ZNF774: variants seen among roughly 807,000 people sequenced by gnomAD.
ZNF774 encodes the protein zinc finger protein 774.
ZNF774 carries 14 observed loss-of-function variants against 11.1 expected under a neutral mutation model. The ratio of observed to expected loss-of-function variants is 1.26; its 90% CI spans 0.83 to 1.97. The LOEUF is 1.97. Among genes scored for constraint, ZNF774 ranks in the 30% most tolerant of loss-of-function variants. ZNF774 has a pLI of 0.00. For missense variants in ZNF774, 599 were observed against 587.0 expected (o/e 1.02, Z -0.21); for synonymous variants, 195 against 212.6 (o/e 0.92, Z 0.72).
In ZNF774 at chr15:90,360,097, A is replaced by C; in HGVS notation, c.266A>C (p.Gln89Pro). The C allele has an allele frequency of 6.2e-7, 1 of 1,614,146 alleles. No individual in the cohort carries two copies. Among genetic ancestry groups the C allele is most frequent in the South Asian group, 1.1e-5 (1 of 91,080 alleles). The change falls in exon 4 of 4, where the codon CAA becomes CCA. Residue 89 changes from glutamine (Q) to proline (P), a missense_variant. Gln to Pro is a moderately conservative substitution (Grantham distance 76, BLOSUM62 -1). Transcript: ENST00000354377. ...LNQDNSETAE[Q>P]CGTSSERTNK... ...CAGGACAATTCTGAAACAGCAGAAC[A>C]ATGTGGAACATCCTCAGAAAGGACC...
At chr15:90,352,489 A>T (rs2151679802) in intron 1 of ZNF774, 78 bp downstream of exon 1, 1 of 152,564 alleles carries the variant, frequency 6.6e-6, no homozygotes, top group Admixed American at 6.5e-5. Context: ...CCCGCCACCC[A>T]GACGTTTTCT....
chr15:90,356,766 A>G (rs557778008), intron 2 of ZNF774, among the ~76,000 whole-genome samples: 17 of 152,318 alleles, frequency 1.1e-4, no homozygotes, highest in African/African-American at 3.8e-4. Context: ...TTTATGGAAT[A>G]CAATATTATT....
At position 90,360,677 on chromosome 15, in the gene ZNF774, G is replaced by A. The variant is rs2151683161; in HGVS notation, c.846G>A (p.Gln282=). ...FSRSSNFITH[Q]RTHTGVKPYR... ...GAAGCTCAAATTTCATCACTCACCA[G>A]AGGACCCACACAGGGGTGAAGCCTT... Residue 282 remains glutamine, a synonymous_variant, in exon 4 of 4, where the codon CAG becomes CAA. Coordinates refer to ENST00000354377, the MANE Select transcript of ZNF774 (RefSeq NM_001004309.3). 6.2e-7 allele frequency: 1 copy of A among 1,614,188 alleles called. No homozygotes were observed.
chr15:90,361,087 T>C lies in ZNF774; in HGVS notation c.1256T>C (p.Ile419Thr), dbSNP rs914466484. Reference protein sequence around the residue: ...GKSFNQSSHFITHQRIHLGDR... With the variant: ...GKSFNQSSHFTTHQRIHLGDR... ...AGCTTCAATCAGAGCTCCCACTTTA[T>C]TACCCATCAGCGAATCCACTTAGGA... Residue 419 changes from isoleucine (I) to threonine (T), a missense_variant, in exon 4 of 4, where the codon ATT (isoleucine) becomes ACT (threonine). Transcript: ENST00000354377. 2.5e-6 allele frequency: 4 copies of C among 1,614,048 alleles called. No homozygotes were observed. The African/African-American group carries it at 5.3e-5, about 22-fold the overall frequency.
intron 2 of ZNF774, among the ~76,000 whole-genome samples, chr15:90,356,386 G>A (rs1253534289): frequency 6.6e-6 from 1 of 151,672 alleles, no homozygotes; most frequent in East Asian, 1.9e-4. Context: ...TAGTGGAGTC[G>A]AGGTTTCACC....
rs150500921 is a variant in ZNF774, at chr15:90,360,750, A to G, written c.919A>G (p.Ile307Val). 7,290 of 1,614,206 alleles carry G rather than the reference A, an allele frequency of 4.5e-3. 25 individuals carry two copies. The highest frequency in any genetic ancestry group is 5.6e-3 in the Middle Eastern group (34 of 6,062). ...GAGTTTTAGCCAGAGCTCGGATTTGATTAAGCACCAACGAACCCACACGGG... is the reference window on the plus strand; with the variant it reads ...GAGTTTTAGCCAGAGCTCGGATTTGGTTAAGCACCAACGAACCCACACGGG... ...GESFSQSSDL[I>V]KHQRTHTGER... is the part of the protein sequence containing the mutation. The change falls in exon 4 of 4, where the codon ATT (isoleucine) becomes GTT (valine). Residue 307 changes from isoleucine (I) to valine (V), a missense_variant. Transcript: ENST00000354377.
At chr15:90,358,394 G>T (rs979491849) in intron 2 of ZNF774, among the ~76,000 whole-genome samples, 1 of 152,098 alleles carries the variant, frequency 6.6e-6, no homozygotes, top group Non-Finnish European at 1.5e-5. Flanking sequence ...AACATTTTTC[G>T]TATATTTACA....
intron 2 of ZNF774, among the ~76,000 whole-genome samples, chr15:90,357,154 A>T (rs530535353): frequency 6.6e-6 from 1 of 152,304 alleles, no homozygotes; most frequent in African/African-American, 2.4e-5. Context: ...ATTCCCACAA[A>T]CATTATATGA....
Position 90,354,695 on chromosome 15 carries a change from C to T in ZNF774, c.35C>T (p.Pro12Leu), listed in dbSNP as rs770864646. Residue 12 changes from proline (P) to leucine (L), a missense_variant, in exon 2 of 4, where the codon CCT (proline) becomes CTT (leucine). Physicochemically the swap from Pro to Leu is moderately conservative, Grantham distance 98. Coordinates refer to ENST00000354377, the MANE Select transcript of ZNF774 (RefSeq NM_001004309.3). ...WLGTSGKSGL[P>L]GHCLENPLQE... ...GGGACTTCAGGGAAGAGTGGGTTAC[C>T]TGGACACTGCTTAGAGAATCCTCTC... 1.9e-6 allele frequency: 3 copies of T among 1,611,768 alleles called. No homozygotes were observed. The highest frequency in any genetic ancestry group is 2.7e-5 in the African/African-American group (2 of 75,024).
In ZNF774 at chr15:90,360,386, G is replaced by A. The variant is rs116910054; in HGVS notation, c.555G>A (p.Gly185=). The A allele has an allele frequency of 0.016, 25,182 of 1,613,198 alleles. 237 individuals carry two copies. Among genetic ancestry groups the A allele is most frequent in the Non-Finnish European group, 0.019 (22,005 of 1,179,832 alleles). The change falls in exon 4 of 4, where the codon GGG becomes GGA. Residue 185 remains glycine, a synonymous_variant. Coordinates refer to ENST00000354377, the MANE Select transcript of ZNF774 (RefSeq NM_001004309.3). ...GERPYTCIEC[G]KGFKQSSDLV... is the part of the protein sequence containing the mutation. ...GGCCCTATACGTGCATTGAGTGTGGGAAAGGCTTCAAACAGAGCTCAGACC... is the reference window on the plus strand; with the variant it reads ...GGCCCTATACGTGCATTGAGTGTGGAAAAGGCTTCAAACAGAGCTCAGACC...
chr15:90,361,479 C>T lies in ZNF774; in HGVS notation c.*196C>T. On this transcript the variant is annotated 3_prime_UTR_variant, in exon 4 of 4. Transcript: ENST00000354377. ...AACGGTCCGAATACAAAAGGCATTC[C>T]TTCAGTGTGTGACTGACTCTTAGGG... The T allele has an allele frequency of 7.3e-7, 1 of 1,376,438 alleles. No homozygotes were observed. The highest frequency in any genetic ancestry group is 9.4e-7 in the Non-Finnish European group (1 of 1,067,878). The allele number at this position is 1,376,438 out of a possible 1,614,324, so 85.3% of individuals were successfully genotyped here. A position where few individuals can be genotyped will look rare whatever the true frequency, so the allele number is the denominator to read the frequency against.
chr15:90,354,798 T>A (rs772111231), intron 2 of ZNF774, 34 bp downstream of exon 2: 1 of 1,549,712 alleles, frequency 6.5e-7, no homozygotes. Flanking sequence ...TTCATTTATT[T>A]ATCTTGTTTT....
chr15:90,361,541 G>C lies in ZNF774; in HGVS notation c.*258G>C. 1 of 1,187,090 alleles carries C rather than the reference G, an allele frequency of 8.4e-7. No individual in the cohort carries two copies. The highest frequency in any genetic ancestry group is 1.0e-6 in the Non-Finnish European group (1 of 955,390). 73.5% of individuals were successfully genotyped at this position (1,187,090 alleles called of 1,614,324 possible). On this transcript the variant is annotated 3_prime_UTR_variant, in exon 4 of 4. Transcript: ENST00000354377. The stretch of plus-strand genomic sequence containing the variant: ...TAATAGTTGATGCCCGCCAGGCGTG[G>C]TGGCTCACCCCTGTAATCCCAGCAC...
At chr15:90,357,498 G>A (rs1229956972) in intron 2 of ZNF774, among the ~76,000 whole-genome samples, 1 of 152,188 alleles carries the variant, frequency 6.6e-6, no homozygotes, top group Non-Finnish European at 1.5e-5. Context: ...GCAAGAGCCT[G>A]TCTCAAAAAC....
Position 90,360,688 on chromosome 15 carries a change from C to A in ZNF774, c.857C>A (p.Thr286Lys), listed in dbSNP as rs1964318631. The A allele has an allele frequency of 3.7e-6, 6 of 1,614,224 alleles. No homozygotes were observed. In the Middle Eastern group the frequency reaches 8.2e-4, roughly 222 times the overall value. ...SNFITHQRTHTGVKPYRCNDC... is the reference protein window; with the variant it reads ...SNFITHQRTHKGVKPYRCNDC... ...TTCATCACTCACCAGAGGACCCACACAGGGGTGAAGCCTTACAGGTGTAAT... is the reference window on the plus strand; with the variant it reads ...TTCATCACTCACCAGAGGACCCACAAAGGGGTGAAGCCTTACAGGTGTAAT... The change falls in exon 4 of 4, where the codon ACA becomes AAA. Residue 286 changes from threonine to lysine, a missense_variant. Thr to Lys is a moderately conservative substitution (Grantham distance 78, BLOSUM62 -1). Coordinates refer to ENST00000354377, the MANE Select transcript of ZNF774 (RefSeq NM_001004309.3).
intron 3 of ZNF774, 134 bp from the exon 4 acceptor site, chr15:90,359,908 CA>C (rs1192453714): frequency 9.9e-7 from 1 of 1,006,772 alleles, no homozygotes; most frequent in Non-Finnish European, 1.4e-6. Context: ...AAACTTTTCA[CA>C]AAGTGAAAAC....
intron 2 of ZNF774, among the ~76,000 whole-genome samples, chr15:90,358,468 T>A (rs1488759509): frequency 6.6e-6 from 1 of 152,206 alleles, no homozygotes; most frequent in East Asian, 1.9e-4. Context: ...TCTGGGAAAA[T>A]TTTAAAGCCC....
In ZNF774 at chr15:90,362,354, T is replaced by C. The variant is rs772268638; in HGVS notation, c.*1071T>C. ...GCTGTCATCTGACACAGAGAAAATATCCTACAATGAACAAGCCAGAGGGAC... is the reference window on the plus strand; with the variant it reads ...GCTGTCATCTGACACAGAGAAAATACCCTACAATGAACAAGCCAGAGGGAC... On this transcript the variant is annotated 3_prime_UTR_variant, in exon 4 of 4. Coordinates refer to ENST00000354377, the MANE Select transcript of ZNF774 (RefSeq NM_001004309.3). The C allele has an allele frequency of 8.8e-6, 5 of 570,438 alleles. No homozygotes were observed. Among genetic ancestry groups the C allele is most frequent in the South Asian group, 2.2e-5 (1 of 45,492 alleles). The allele number at this position is 570,438 out of a possible 1,614,324, so 35.3% of individuals were successfully genotyped here. A position where few individuals can be genotyped will look rare whatever the true frequency, so the allele number is the denominator to read the frequency against.
At chr15:90,355,741 A>C (rs1964236672) in intron 2 of ZNF774, among the ~76,000 whole-genome samples, 1 of 142,472 alleles carries the variant, frequency 7.0e-6, no homozygotes, top group Non-Finnish European at 1.5e-5. Flanking sequence ...AAAAAAAAAA[A>C]AAAACAAGGC....
Sources: gnomAD v4.1 joint callset for allele counts (sites outside exome capture counted in the v4.1 genomes callset) on GRCh38, gnomAD v4.1.1 for gene constraint, MANE v1.5 for transcripts, NCBI Gene and HGNC (gene_info 2026-07-23, HGNC 2026-07-21) for gene names.